The following DISC1 variants were observed in gnomAD, a reference collection of about 807,000 sequenced individuals.
DISC1 encodes disrupted in schizophrenia 1 protein.
DISC1 carries 57 observed loss-of-function variants against 84.5 expected under a neutral mutation model. The ratio of observed to expected loss-of-function variants is 0.67; its 90% CI spans 0.55 to 0.84. DISC1 has a LOEUF of 0.84. Among genes scored for constraint, DISC1 ranks in the 40% least tolerant of loss-of-function variants. DISC1 has a pLI of 0.00. For synonymous variants in DISC1, 411 were observed against 415.2 expected, an observed-to-expected ratio of 0.99 and a Z score of 0.12; for missense variants, 1,000 against 1,057.8, an observed-to-expected ratio of 0.95 and a Z score of 0.76.
chr1:231,709,679 A>T (rs201349362), intron 3 of DISC1, among the ~76,000 whole-genome samples: 7 of 151,938 alleles, frequency 4.6e-5, no homozygotes, highest in Admixed American at 1.3e-4. Context: ...AGCCAAAAGA[A>T]TTTTTTTTCT....
chr1:231,688,010 G>A (rs1473117659), intron 1 of DISC1, among the ~76,000 whole-genome samples: 1 of 152,122 alleles, frequency 6.6e-6, no homozygotes, highest in Non-Finnish European at 1.5e-5. Flanking sequence ...GAAGCCTCAG[G>A]AAATGGTAGG....
intron 9 of DISC1, among the ~76,000 whole-genome samples, chr1:231,890,440 T>G (rs936575636): frequency 1.4e-4 from 21 of 152,346 alleles, no homozygotes; most frequent in Middle Eastern, 3.4e-3. Flanking sequence ...TCACTGGTTT[T>G]TAAAATTTTT....
chr1:231,671,404 G>T (rs565008772), intron 1 of DISC1, among the ~76,000 whole-genome samples: 15 of 151,924 alleles, frequency 9.9e-5, no homozygotes, highest in African/African-American at 3.4e-4. Flanking sequence ...TTCTGAGATG[G>T]CTTCATATTA....
chr1:231,632,038 A>C (rs1481382146), intron 1 of DISC1, among the ~76,000 whole-genome samples: 1 of 152,152 alleles, frequency 6.6e-6, no homozygotes, highest in African/African-American at 2.4e-5. Context: ...ATGTTTAGAT[A>C]TGTTTAGATG....
intron 3 of DISC1, chr1:231,722,865 T>G: frequency 2.3e-5 from 32 of 1,397,294 alleles, no homozygotes; most frequent in Non-Finnish European, 3.0e-5. Flanking sequence ...CAGTCCCCTG[T>G]CATGGCATGA....
intron 6 of DISC1, among the ~76,000 whole-genome samples, chr1:231,794,869 T>C (rs1406040053): frequency 6.6e-6 from 1 of 152,180 alleles, no homozygotes; most frequent in Non-Finnish European, 1.5e-5. Flanking sequence ...TAGATACTAT[T>C]TGATTCCCTG....
At chr1:231,819,067 T>C in intron 9 of DISC1, 1 of 987,074 alleles carries the variant, frequency 1.0e-6, no homozygotes, top group Non-Finnish European at 1.2e-6. Flanking sequence ...CCTTTTCCAG[T>C]CGTTAGGAGT....
intron 3 of DISC1, among the ~76,000 whole-genome samples, chr1:231,721,882 G>A (rs1293488374): frequency 2.0e-5 from 3 of 151,892 alleles, no homozygotes; most frequent in Admixed American, 6.5e-5. Flanking sequence ...GGCTGGGCAC[G>A]GTGGCTCACG....
chr1:231,916,649 C>T (rs1572039660), intron 9 of DISC1, among the ~76,000 whole-genome samples: 1 of 108,734 alleles, frequency 9.2e-6, no homozygotes, highest in Non-Finnish European at 1.8e-5. Context: ...AGCGAGACTC[C>T]GTCTCAAAAA....
At chr1:231,776,918 A>G (rs1272504561) in intron 6 of DISC1, among the ~76,000 whole-genome samples, 1 of 152,138 alleles carries the variant, frequency 6.6e-6, no homozygotes, top group Non-Finnish European at 1.5e-5. Flanking sequence ...GGTCCCATTA[A>G]TGCTCTTGCC....
Position 232,040,449 on chromosome 1 carries a change from G to T in DISC1, c.*3618G>T, listed in dbSNP as rs980989. 0.19 allele frequency: 28,273 copies of T among 152,054 alleles called. 2,987 individuals carry two copies. Among genetic ancestry groups the T allele is most frequent in the Non-Finnish European group, 0.24 (16,182 of 67,962 alleles). 9.4% of individuals were successfully genotyped at this position (152,054 alleles called of 1,614,324 possible). A position where few individuals can be genotyped will look rare whatever the true frequency, so the allele number is the denominator to read the frequency against. The stretch of plus-strand genomic sequence containing the variant: ...CCCTTGCCATGCTAAGCCCTTTACA[G>T]TCATATCCTATAATCCCCATATCAA... On this transcript the variant is annotated 3_prime_UTR_variant, in exon 13 of 13. Coordinates refer to ENST00000439617, the MANE Select transcript of DISC1 (RefSeq NM_018662.3).
At chr1:231,774,973 A>G (rs1309265473) in intron 6 of DISC1, among the ~76,000 whole-genome samples, 1 of 152,276 alleles carries the variant, frequency 6.6e-6, no homozygotes, top group East Asian at 1.9e-4. Context: ...TCTTACATAC[A>G]TCAATAGCTG....
At chr1:231,627,184 C>T (rs1004245531) in intron 1 of DISC1, among the ~76,000 whole-genome samples, 6 of 152,176 alleles carry the variant, frequency 3.9e-5, no homozygotes, top group East Asian at 3.9e-4. Flanking sequence ...ATCCCCGGGA[C>T]CCGCAGTTTG....
intron 9 of DISC1, among the ~76,000 whole-genome samples, chr1:231,939,488 CTTTG>C (rs2091173586): frequency 1.3e-5 from 2 of 152,316 alleles, no homozygotes; most frequent in East Asian, 1.9e-4. Context: ...AATGGCTTCC[CTTTG>C]TTTGTGGGAG....
At chr1:231,690,981 C>G (rs974648658) in intron 1 of DISC1, among the ~76,000 whole-genome samples, 4 of 152,120 alleles carry the variant, frequency 2.6e-5, no homozygotes, top group African/African-American at 9.7e-5. Flanking sequence ...TTATGTTTGC[C>G]CTCCTGGGCT....
chr1:231,660,420 C>G (rs116522031), intron 1 of DISC1, among the ~76,000 whole-genome samples: 4,722 of 152,020 alleles, frequency 0.031, 98 homozygotes, highest in Middle Eastern at 0.099. Context: ...TTGGCTCTGT[C>G]CAGCTTGCCA....
At chr1:232,011,640 C>A (rs1332277758) in intron 11 of DISC1, among the ~76,000 whole-genome samples, 1 of 152,012 alleles carries the variant, frequency 6.6e-6, no homozygotes, top group Admixed American at 6.6e-5. Context: ...GAATTTGGTG[C>A]GTGGAAGTTG....
intron 8 of DISC1, among the ~76,000 whole-genome samples, chr1:231,801,918 A>C (rs994938673): frequency 6.6e-6 from 1 of 150,990 alleles, no homozygotes; most frequent in Non-Finnish European, 1.5e-5. Flanking sequence ...TCCTGGGTTC[A>C]TACCATTTTC....
At chr1:231,673,311 T>TCTTTC (rs2125476880) in intron 1 of DISC1, among the ~76,000 whole-genome samples, 1 of 152,290 alleles carries the variant, frequency 6.6e-6, no homozygotes, top group East Asian at 1.9e-4. Flanking sequence ...GCTATTTCTT[T>TCTTTC]CTTTTCTTTT....
Sources: gnomAD v4.1 joint callset for allele counts (sites outside exome capture counted in the v4.1 genomes callset) on GRCh38, gnomAD v4.1.1 for gene constraint, MANE v1.5 for transcripts, NCBI Gene and HGNC (gene_info 2026-07-23, HGNC 2026-07-21) for gene names.